The following AMPH variants were observed in gnomAD, a reference collection of about 807,000 sequenced individuals.
The protein encoded by AMPH is amphiphysin.
In AMPH, 49 loss-of-function variants were observed where a neutral mutation model predicts 99.1. That is an observed-to-expected ratio of 0.49 (90% CI 0.39 to 0.63). The LOEUF (loss-of-function observed/expected upper bound fraction) is 0.63, where lower values mean the gene tolerates loss of function less well. Among genes scored for constraint, AMPH ranks in the 20% least tolerant of loss-of-function variants. The probability of loss-of-function intolerance (pLI) is 0.00; values close to 1 mark genes in which losing one functional copy is unlikely to be tolerated. For missense variants in AMPH, 759 were observed against 863.4 expected (o/e 0.88, Z 1.52); for synonymous variants, 314 against 317.3 (o/e 0.99, Z 0.11).
At chr7:38,534,543 T>C (rs1319778641) in intron 2 of AMPH, among the ~76,000 whole-genome samples, 1 of 152,060 alleles carries the variant, frequency 6.6e-6, no homozygotes, top group Non-Finnish European at 1.5e-5. Flanking sequence ...CATATGATGG[T>C]GTACACCTGT....
intron 12 of AMPH, among the ~76,000 whole-genome samples, chr7:38,435,280 A>G (rs973528): frequency 0.42 from 63,212 of 152,076 alleles, 14,878 homozygotes; most frequent in Non-Finnish European, 0.54. Flanking sequence ...TTCTAGAAAA[A>G]AGCATGGACT....
At chr7:38,623,981 C>T (rs965683549) in intron 1 of AMPH, among the ~76,000 whole-genome samples, 2 of 152,114 alleles carry the variant, frequency 1.3e-5, no homozygotes, top group African/African-American at 4.8e-5. Flanking sequence ...TATAGCATTC[C>T]CACCATGTAT....
chr7:38,503,605 C>G, intron 3 of AMPH, 45 bp downstream of exon 3: 1 of 1,588,460 alleles, frequency 6.3e-7, no homozygotes, highest in Non-Finnish European at 8.6e-7. Flanking sequence ...ATTCCAAGAA[C>G]AACCTGTGCT....
chr7:38,495,088 G>A (rs1788881370), intron 3 of AMPH, among the ~76,000 whole-genome samples: 1 of 152,130 alleles, frequency 6.6e-6, no homozygotes, highest in South Asian at 2.1e-4. Flanking sequence ...AAGAAAAAAA[G>A]TTTGTCATTT....
intron 1 of AMPH, among the ~76,000 whole-genome samples, chr7:38,586,469 A>G (rs1488305428): frequency 1.3e-5 from 2 of 152,146 alleles, no homozygotes. Flanking sequence ...TTTCAAAACT[A>G]CTCTAAACAG....
chr7:38,433,166 C>A (rs189141842), intron 12 of AMPH, among the ~76,000 whole-genome samples: 1 of 152,268 alleles, frequency 6.6e-6, no homozygotes, highest in Non-Finnish European at 1.5e-5. Flanking sequence ...ATTGCAGAGG[C>A]CTCATTTGGG....
intron 11 of AMPH, among the ~76,000 whole-genome samples, chr7:38,449,221 T>A (rs1183927815): frequency 6.6e-6 from 1 of 152,190 alleles, no homozygotes; most frequent in Non-Finnish European, 1.5e-5. Flanking sequence ...TCCTGGATAC[T>A]AAGGATAGAA....
At chr7:38,436,110 T>C (rs1786249353) in intron 12 of AMPH, among the ~76,000 whole-genome samples, 162 bp downstream of exon 12, 1 of 152,276 alleles carries the variant, frequency 6.6e-6, no homozygotes, top group South Asian at 2.1e-4. Flanking sequence ...ATAACTGATA[T>C]AGATAAGGTC....
intron 1 of AMPH, among the ~76,000 whole-genome samples, chr7:38,624,097 G>A (rs1424923978): frequency 6.6e-6 from 1 of 152,188 alleles, no homozygotes; most frequent in East Asian, 1.9e-4. Flanking sequence ...AGAAAGAATT[G>A]TGGAAGGATT....
At chr7:38,446,478 T>A (rs1219862468) in intron 11 of AMPH, among the ~76,000 whole-genome samples, 1 of 151,588 alleles carries the variant, frequency 6.6e-6, no homozygotes, top group Non-Finnish European at 1.5e-5. Flanking sequence ...AGGAATGATA[T>A]GTGCTACAAC....
intron 1 of AMPH, among the ~76,000 whole-genome samples, chr7:38,571,239 T>TAA (rs1791987677): frequency 1.1e-5 from 1 of 90,888 alleles, no homozygotes; most frequent in African/African-American, 4.6e-5. Flanking sequence ...ATTATATATA[T>TAA]AATTATAAAT....
chr7:38,546,316 T>C (rs1790996059), intron 1 of AMPH, among the ~76,000 whole-genome samples: 1 of 152,232 alleles, frequency 6.6e-6, no homozygotes, highest in Non-Finnish European at 1.5e-5. Context: ...TGTGAAGCAC[T>C]AATTATTTTT....
chr7:38,459,473 A>G (rs1787357965), intron 11 of AMPH, among the ~76,000 whole-genome samples: 1 of 152,176 alleles, frequency 6.6e-6, no homozygotes, highest in African/African-American at 2.4e-5. Flanking sequence ...TAACCAAAAC[A>G]GCATGACATT....
intron 10 of AMPH, among the ~76,000 whole-genome samples, chr7:38,462,697 C>G (rs1426482658): frequency 6.6e-6 from 1 of 152,024 alleles, no homozygotes; most frequent in African/African-American, 2.4e-5. Context: ...AGTTTTGTAG[C>G]AAGAGATAGG....
At chr7:38,452,662 G>A (rs1002209213) in intron 11 of AMPH, among the ~76,000 whole-genome samples, 1 of 152,122 alleles carries the variant, frequency 6.6e-6, no homozygotes, top group African/African-American at 2.4e-5. Flanking sequence ...GTATTTCTCT[G>A]GAATAAATCT....
At chr7:38,504,996 G>A (rs927075203) in intron 2 of AMPH, among the ~76,000 whole-genome samples, 1 of 152,168 alleles carries the variant, frequency 6.6e-6, no homozygotes, top group African/African-American at 2.4e-5. Flanking sequence ...AACATTGTTA[G>A]TATTTGCCCA....
At chr7:38,519,292 A>G (rs1244456546) in intron 2 of AMPH, among the ~76,000 whole-genome samples, 1 of 152,240 alleles carries the variant, frequency 6.6e-6, no homozygotes, top group African/African-American at 2.4e-5. Context: ...ATTTCCAGCG[A>G]TGCAGACATG....
intron 2 of AMPH, among the ~76,000 whole-genome samples, chr7:38,534,178 A>C (rs1406276288): frequency 6.6e-6 from 1 of 152,156 alleles, no homozygotes; most frequent in Non-Finnish European, 1.5e-5. Context: ...TACACTAAAA[A>C]GGTTTTCTTC....
At chr7:38,549,266 G>A (rs749246629) in intron 1 of AMPH, among the ~76,000 whole-genome samples, 9 of 152,138 alleles carry the variant, frequency 5.9e-5, no homozygotes, top group African/African-American at 9.7e-5. Context: ...ATCATTATTG[G>A]TAAGATGTTG....
Sources: gnomAD v4.1 joint callset for allele counts (sites outside exome capture counted in the v4.1 genomes callset) on GRCh38, gnomAD v4.1.1 for gene constraint, MANE v1.5 for transcripts, NCBI Gene and HGNC (gene_info 2026-07-23, HGNC 2026-07-21) for gene names.